Variants in RANBP17 observed in about 807,000 individuals in gnomAD.
The protein encoded by RANBP17 is ran-binding protein 17.
A neutral mutation model predicts 141.2 loss-of-function variants in RANBP17; 158 were observed. That is an observed-to-expected ratio of 1.12 (90% CI 0.98 to 1.28). RANBP17 has a LOEUF of 1.28. RANBP17 is among the 50% of genes most tolerant of loss of function. The pLI, the probability that RANBP17 is intolerant of heterozygous loss-of-function variation, is 0.00. For synonymous variants in RANBP17, 430 were observed against 450.0 expected, an observed-to-expected ratio of 0.96 and a Z score of 0.56; for missense variants, 1,438 against 1,290.7, an observed-to-expected ratio of 1.11 and a Z score of -1.75.
chr5:171,229,385 T>A (rs1764070002), intron 22 of RANBP17, among the ~76,000 whole-genome samples: 1 of 152,098 alleles, frequency 6.6e-6, no homozygotes, highest in African/African-American at 2.4e-5. Flanking sequence ...TGTTGAGCAT[T>A]TACTTTTTTG....
At chr5:171,083,756 T>C (rs1785414902) in intron 14 of RANBP17, among the ~76,000 whole-genome samples, 1 of 152,134 alleles carries the variant, frequency 6.6e-6, no homozygotes, top group Admixed American at 6.5e-5. Flanking sequence ...GTCTTTCCCA[T>C]GCTGTTCTCA....
At chr5:170,957,342 A>T (rs1775800069) in intron 13 of RANBP17, among the ~76,000 whole-genome samples, 1 of 152,080 alleles carries the variant, frequency 6.6e-6, no homozygotes, top group Non-Finnish European at 1.5e-5. Flanking sequence ...GAGAAGAAAG[A>T]ATAAGAGGAA....
chr5:170,946,377 A>G (rs1334189492), intron 12 of RANBP17, among the ~76,000 whole-genome samples: 1 of 152,154 alleles, frequency 6.6e-6, no homozygotes, highest in African/African-American at 2.4e-5. Flanking sequence ...TTACATATGC[A>G]TTCACCAAAA....
At chr5:171,194,814 GT>G (rs1761866975) in intron 18 of RANBP17, among the ~76,000 whole-genome samples, 1 of 152,268 alleles carries the variant, frequency 6.6e-6, no homozygotes, top group African/African-American at 2.4e-5. Context: ...ATTAACAATG[GT>G]TGTAGCATTT....
intron 14 of RANBP17, among the ~76,000 whole-genome samples, chr5:171,010,715 G>A (rs570717695): frequency 8.5e-5 from 13 of 152,254 alleles, no homozygotes; most frequent in African/African-American, 3.1e-4. Flanking sequence ...AGGAATGAAA[G>A]AGGGTACATC....
chr5:171,147,951 G>A (rs1036013431), intron 14 of RANBP17, among the ~76,000 whole-genome samples: 1 of 152,160 alleles, frequency 6.6e-6, no homozygotes, highest in Non-Finnish European at 1.5e-5. Flanking sequence ...ATAGAAAGGC[G>A]GGAAAGGTGG....
At chr5:171,148,838 G>A (rs1170233004) in intron 14 of RANBP17, among the ~76,000 whole-genome samples, 2 of 152,150 alleles carry the variant, frequency 1.3e-5, no homozygotes, top group Admixed American at 1.3e-4. Flanking sequence ...TGGTAAAATT[G>A]TGATATTAAT....
At chr5:171,208,022 A>G (rs1485413497) in intron 20 of RANBP17, 4 of 152,204 alleles carry the variant, frequency 2.6e-5, no homozygotes, top group African/African-American at 9.6e-5. Context: ...TGAAATATTG[A>G]TATGTCAAAC....
At chr5:171,223,642 T>G (rs1445338014) in intron 22 of RANBP17, among the ~76,000 whole-genome samples, 1 of 151,914 alleles carries the variant, frequency 6.6e-6, no homozygotes, top group African/African-American at 2.4e-5. Flanking sequence ...TCTCAAAAAA[T>G]AAAATAAAAA....
At chr5:171,205,233 CT>C (rs1248628823) in intron 19 of RANBP17, among the ~76,000 whole-genome samples, 2 of 151,912 alleles carry the variant, frequency 1.3e-5, no homozygotes, top group African/African-American at 2.4e-5. Context: ...CAATCCTCAT[CT>C]TTTTTTTCAG....
At chr5:170,920,237 C>G (rs536560389) in intron 11 of RANBP17, among the ~76,000 whole-genome samples, 12 of 151,974 alleles carry the variant, frequency 7.9e-5, no homozygotes, top group Non-Finnish European at 1.3e-4. Context: ...TAAAAGCTGC[C>G]GAACTATTTT....
At chr5:170,980,668 C>T (rs1777704079) in intron 14 of RANBP17, among the ~76,000 whole-genome samples, 1 of 152,222 alleles carries the variant, frequency 6.6e-6, no homozygotes, top group African/African-American at 2.4e-5. Flanking sequence ...TGGGAACCTC[C>T]ACCCAGATTT....
At chr5:171,207,422 A>G (rs1041592585) in intron 20 of RANBP17, 1 of 152,126 alleles carries the variant, frequency 6.6e-6, no homozygotes, top group African/African-American at 2.4e-5. Flanking sequence ...CCATTTCCTT[A>G]TTTAGCTCCT....
intron 12 of RANBP17, among the ~76,000 whole-genome samples, chr5:170,945,800 T>C (rs1298805843): frequency 6.6e-6 from 1 of 152,202 alleles, no homozygotes; most frequent in Non-Finnish European, 1.5e-5. Context: ...ATTCATTTTA[T>C]GTGTCTTGTT....
At chr5:170,977,571 C>T (rs1400226378) in intron 14 of RANBP17, among the ~76,000 whole-genome samples, 1 of 151,840 alleles carries the variant, frequency 6.6e-6, no homozygotes, top group Non-Finnish European at 1.5e-5. Context: ...TTTCCAATAG[C>T]CACAAAGTGG....
intron 14 of RANBP17, among the ~76,000 whole-genome samples, chr5:171,120,881 T>A (rs1264040303): frequency 2.6e-5 from 4 of 152,248 alleles, no homozygotes; most frequent in African/African-American, 9.6e-5. Context: ...GATTTACTTG[T>A]ATGAATTAGT....
At chr5:171,256,837 A>G (rs552281600) in intron 24 of RANBP17, among the ~76,000 whole-genome samples, 1 of 152,320 alleles carries the variant, frequency 6.6e-6, no homozygotes, top group Admixed American at 6.5e-5. Context: ...GAAACATACA[A>G]GGTTCTGAGA....
At chr5:170,990,591 ACT>A (rs1778437599) in intron 14 of RANBP17, among the ~76,000 whole-genome samples, 1 of 151,974 alleles carries the variant, frequency 6.6e-6, no homozygotes, top group Non-Finnish European at 1.5e-5. Flanking sequence ...AAAAAAATAT[ACT>A]GTTTTATTTA....
At chr5:170,969,286 G>A in intron 14 of RANBP17, among the ~76,000 whole-genome samples, 1 of 151,626 alleles carries the variant, frequency 6.6e-6, no homozygotes, top group East Asian at 1.9e-4. Flanking sequence ...AATATATTAT[G>A]ATATTATCAT....
Sources: gnomAD v4.1 joint callset for allele counts (sites outside exome capture counted in the v4.1 genomes callset) on GRCh38, gnomAD v4.1.1 for gene constraint, MANE v1.5 for transcripts, NCBI Gene and HGNC (gene_info 2026-07-23, HGNC 2026-07-21) for gene names.